Variants in ADARB2 observed in about 807,000 individuals in gnomAD.
The protein encoded by ADARB2 is inactive double-stranded RNA-specific editase B2.
Under a neutral mutation model 62.2 loss-of-function variants are expected in ADARB2, and 25 were observed. The observed-to-expected ratio is 0.40, with a 90% CI of 0.29 to 0.56. ADARB2 has a LOEUF of 0.56. Among genes scored for constraint, ADARB2 ranks in the 20% least tolerant of loss-of-function variants. The pLI is 0.43. For synonymous variants in ADARB2, 572 were observed against 500.8 expected, an observed-to-expected ratio of 1.14 and a Z score of -1.90; for missense variants, 1,071 against 1,077.4, an observed-to-expected ratio of 0.99 and a Z score of 0.08.
chr10:1,513,312 G>C (rs540692830), intron 1 of ADARB2, among the ~76,000 whole-genome samples: 22 of 152,210 alleles, frequency 1.4e-4, no homozygotes, highest in Non-Finnish European at 3.1e-4. Context: ...AACTAGAAAC[G>C]CTCCTTGAAG....
rs1832791998 is a variant in ADARB2, at chr10:1,415,216, A to G, written c.101-36056T>C. Among the ~76,000 whole-genome samples, 4 of 151,466 alleles carry G rather than the reference A, an allele frequency of 2.6e-5. No individual in the cohort carries two copies. In the South Asian group the frequency reaches 8.4e-4, roughly 32 times the overall value. ...GAACAGATGGTGGATGGATGGGTGG[A>G]TGGGTGGATGGATGGGAAGATAGAT... is the stretch of plus-strand genomic sequence containing the variant. On this transcript the variant is annotated intron_variant, in intron 1 of 9. Transcript: ENST00000381312.
At chr10:1,221,484 G>A (rs1393995139) in intron 6 of ADARB2, among the ~76,000 whole-genome samples, 1 of 151,068 alleles carries the variant, frequency 6.6e-6, no homozygotes, top group African/African-American at 2.4e-5. Context: ...TGTTACATAT[G>A]TATACATGTG....
chr10:1,396,034 C>T (rs1331813920), intron 1 of ADARB2, among the ~76,000 whole-genome samples: 3 of 152,202 alleles, frequency 2.0e-5, no homozygotes, highest in East Asian at 1.9e-4. Flanking sequence ...GGTCCAAATG[C>T]GGGCCATTTC....
chr10:1,646,324 C>A (rs7078581), intron 1 of ADARB2, among the ~76,000 whole-genome samples: 2 of 151,858 alleles, frequency 1.3e-5, no homozygotes, highest in Admixed American at 6.6e-5. Context: ...CCCCCATGCA[C>A]ACCCAGACCA....
chr10:1,364,000 C>G (rs377418830), intron 2 of ADARB2, 83 bp from the exon 3 acceptor site: 1 of 1,387,782 alleles, frequency 7.2e-7, no homozygotes, highest in Non-Finnish European at 9.3e-7. Flanking sequence ...TGAGGGTCCC[C>G]GTCCCAGCGA....
chr10:1,711,414 A>G (rs965796508), intron 1 of ADARB2, among the ~76,000 whole-genome samples: 3 of 152,164 alleles, frequency 2.0e-5, no homozygotes, highest in African/African-American at 4.8e-5. Flanking sequence ...GGAGACCAGC[A>G]TGGATCCTAG....
intron 3 of ADARB2, among the ~76,000 whole-genome samples, chr10:1,324,885 G>A (rs554536736): frequency 3.3e-5 from 5 of 152,168 alleles, no homozygotes; most frequent in South Asian, 2.1e-4. Flanking sequence ...CTGGGGAAAC[G>A]TGAGCGAGCC....
chr10:1,586,276 A>G (rs1206557041), intron 1 of ADARB2, among the ~76,000 whole-genome samples: 2 of 152,208 alleles, frequency 1.3e-5, no homozygotes, highest in Admixed American at 1.3e-4. Context: ...TTCTGACCCC[A>G]GTCTTTGGCT....
chr10:1,560,036 A>G lies in ADARB2; in HGVS notation c.100+177015T>C, dbSNP rs535062709. 1.3e-3 allele frequency among the ~76,000 whole-genome samples: 193 copies of G among 152,312 alleles called. 3 individuals carry two copies. Among genetic ancestry groups the G allele is most frequent in the Middle Eastern group, 0.01 (3 of 294 alleles). ...GTGTAAACAACCTATTTTCATATCT[A>G]GGACAAAGGTTAAGATGTGAGATTT... On this transcript the variant is annotated intron_variant, in intron 1 of 9. Coordinates refer to ENST00000381312, the MANE Select transcript of ADARB2 (RefSeq NM_018702.4).
intron 1 of ADARB2, among the ~76,000 whole-genome samples, chr10:1,393,538 G>C (rs1333902682): frequency 6.6e-6 from 1 of 152,118 alleles, no homozygotes; most frequent in Non-Finnish European, 1.5e-5. Context: ...AAGGCATTTT[G>C]TTCTCTTACC....
chr10:1,691,415 T>G (rs1031303137), intron 1 of ADARB2, among the ~76,000 whole-genome samples: 1 of 152,178 alleles, frequency 6.6e-6, no homozygotes, highest in African/African-American at 2.4e-5. Context: ...GGTTTTTTAC[T>G]CCTGGAACTC....
Position 1,349,738 on chromosome 10 carries a change from C to T in ADARB2, c.1077+13290G>A, listed in dbSNP as rs1483853203. 7.2e-5 allele frequency among the ~76,000 whole-genome samples: 11 copies of T among 152,212 alleles called. No homozygotes were observed. The South Asian group carries it at 1.7e-3, about 23-fold the overall frequency. On this transcript the variant is annotated intron_variant, in intron 3 of 9. Coordinates refer to ENST00000381312, the MANE Select transcript of ADARB2 (RefSeq NM_018702.4). ...CATTTTATCCATTGACCCAAAACTC[C>T]GGCGCTGGTCACGGACTTGGGAAGG...
At chr10:1,308,135 G>T (rs1831649076) in intron 3 of ADARB2, among the ~76,000 whole-genome samples, 1 of 151,858 alleles carries the variant, frequency 6.6e-6, no homozygotes, top group Admixed American at 6.6e-5. Flanking sequence ...ACACAGAGCA[G>T]TTTCCCTGCC....
intron 1 of ADARB2, among the ~76,000 whole-genome samples, chr10:1,432,102 C>G (rs974802103): frequency 6.6e-6 from 1 of 152,158 alleles, no homozygotes; most frequent in Non-Finnish European, 1.5e-5. Context: ...TATTAAGCCA[C>G]TCTCCCAGAA....
At chr10:1,277,100 C>A (rs1243344277) in intron 3 of ADARB2, among the ~76,000 whole-genome samples, 2 of 152,116 alleles carry the variant, frequency 1.3e-5, no homozygotes, top group East Asian at 3.8e-4. Context: ...GGGACACATT[C>A]AAAGCAGTGT....
At chr10:1,611,074 C>G (rs1874993) in intron 1 of ADARB2, among the ~76,000 whole-genome samples, 88,549 of 151,984 alleles carry the variant, frequency 0.58, 26,676 homozygotes, top group African/African-American at 0.73. Flanking sequence ...TGCCGCGTGT[C>G]TGCAAGTAGT....
At chr10:1,386,585 C>G (rs1352535463) in intron 1 of ADARB2, among the ~76,000 whole-genome samples, 1 of 151,914 alleles carries the variant, frequency 6.6e-6, no homozygotes, top group Admixed American at 6.5e-5. Context: ...AGACATATCA[C>G]AATGATCAAG....
intron 6 of ADARB2, among the ~76,000 whole-genome samples, chr10:1,225,093 G>C (rs934876778): frequency 5.9e-5 from 9 of 151,976 alleles, no homozygotes; most frequent in Admixed American, 4.6e-4. Flanking sequence ...TATGAATCTG[G>C]GTGCTCCTGT....
At chr10:1,368,344 A>G (rs1832331461) in intron 2 of ADARB2, among the ~76,000 whole-genome samples, 1 of 152,158 alleles carries the variant, frequency 6.6e-6, no homozygotes, top group Non-Finnish European at 1.5e-5. Context: ...CATGGGACGC[A>G]TTTTGAAAAC....
Sources: gnomAD v4.1 joint callset for allele counts (sites outside exome capture counted in the v4.1 genomes callset) on GRCh38, gnomAD v4.1.1 for gene constraint, MANE v1.5 for transcripts, NCBI Gene and HGNC (gene_info 2026-07-23, HGNC 2026-07-21) for gene names.